The following LDB3 variants were observed in gnomAD, a reference collection of about 807,000 sequenced individuals.
LDB3 encodes the protein LIM domain-binding protein 3.
A neutral mutation model predicts 69.0 loss-of-function variants in LDB3; 49 were observed. That is an observed-to-expected ratio of 0.71 (90% CI 0.56 to 0.90). LDB3 has a LOEUF of 0.90. Among genes scored for constraint, LDB3 ranks in the 40% least tolerant of loss-of-function variants. LDB3 has a pLI of 0.00. For synonymous variants in LDB3, 387 were observed against 396.2 expected (o/e 0.98, Z 0.28); for missense variants, 928 against 974.1 (o/e 0.95, Z 0.63).
intron 12 of LDB3, among the ~76,000 whole-genome samples, chr10:86,724,744 C>T (rs1034791043): frequency 3.9e-5 from 6 of 152,160 alleles, no homozygotes; most frequent in Admixed American, 1.3e-4. Context: ...TCCTTTCCCT[C>T]TTTGCATCAG....
intron 7 of LDB3, among the ~76,000 whole-genome samples, chr10:86,694,928 T>C (rs898303656): frequency 1.3e-5 from 2 of 152,194 alleles, no homozygotes; most frequent in African/African-American, 4.8e-5. Flanking sequence ...TCCTGGCCCA[T>C]CTTGTTGGCT....
intron 2 of LDB3, among the ~76,000 whole-genome samples, chr10:86,674,814 G>A (rs1052162740): frequency 7.9e-5 from 12 of 152,170 alleles, no homozygotes; most frequent in Non-Finnish European, 1.8e-4. Context: ...ATCGTGCCTG[G>A]ACTGCACTCT....
chr10:86,708,911 G>A (rs1357997260), intron 8 of LDB3, among the ~76,000 whole-genome samples: 1 of 152,172 alleles, frequency 6.6e-6, no homozygotes, highest in Non-Finnish European at 1.5e-5. Flanking sequence ...AGCAGGGATC[G>A]GCAGGCCCCA....
At chr10:86,689,311 CT>C (rs1376576475) in intron 5 of LDB3, among the ~76,000 whole-genome samples, 1 of 152,140 alleles carries the variant, frequency 6.6e-6, no homozygotes, top group Non-Finnish European at 1.5e-5. Flanking sequence ...AGTCATCCGT[CT>C]GTCTGGTTGT....
At chr10:86,672,012 T>C (rs895680384) in intron 2 of LDB3, among the ~76,000 whole-genome samples, 7 of 152,188 alleles carry the variant, frequency 4.6e-5, no homozygotes, top group Non-Finnish European at 8.8e-5. Flanking sequence ...CTCAAGAGGC[T>C]GAGGCAGGAG....
intron 5 of LDB3, among the ~76,000 whole-genome samples, chr10:86,684,905 C>T (rs1377801369): frequency 6.6e-6 from 1 of 152,216 alleles, no homozygotes; most frequent in Non-Finnish European, 1.5e-5. Context: ...CTACAGAGAC[C>T]ATGCTCTGGG....
At chr10:86,706,429 GC>G in intron 7 of LDB3, 101 bp from the exon 8 acceptor site, 2 of 1,288,712 alleles carry the variant, frequency 1.6e-6, no homozygotes, top group Non-Finnish European at 2.2e-6. Flanking sequence ...GGAGCTTTCT[GC>G]CCAGCCTGCC....
At chr10:86,691,826 G>A in intron 5 of LDB3, 70 bp from the exon 6 acceptor site, 3 of 1,565,706 alleles carry the variant, frequency 1.9e-6, no homozygotes, top group Non-Finnish European at 2.6e-6. Flanking sequence ...TGGGCATGGA[G>A]CAGGGACCCA....
chr10:86,681,266 T>C (rs896387477), intron 4 of LDB3, among the ~76,000 whole-genome samples, 170 bp from the exon 5 acceptor site: 3 of 152,276 alleles, frequency 2.0e-5, no homozygotes, highest in Non-Finnish European at 4.4e-5. Flanking sequence ...TGTGCCTGCC[T>C]GCTCCTCCAC....
chr10:86,719,025 G>A (rs1011119388), intron 12 of LDB3, among the ~76,000 whole-genome samples, 178 bp downstream of exon 12: 6 of 152,190 alleles, frequency 3.9e-5, no homozygotes, highest in Admixed American at 1.3e-4. Flanking sequence ...CACAAAGGAA[G>A]TTAACTATCT....
intron 7 of LDB3, among the ~76,000 whole-genome samples, chr10:86,702,111 G>T (rs1406922708): frequency 1.3e-5 from 2 of 152,162 alleles, no homozygotes; most frequent in African/African-American, 4.8e-5. Context: ...GTGGCAGCAT[G>T]AATAATTTCA....
chr10:86,706,536 C>T lies in LDB3; in HGVS notation c.902C>T (p.Pro301Leu). Residue 301 changes from proline to leucine, a missense_variant, in exon 8 of 14, where the codon CCT becomes CTT. By Grantham distance (98) the Pro-to-Leu change is moderately conservative. Transcript: ENST00000361373. ...TTTTGGTCCCGCCTCATCAGCACCC[C>T]TATTGAGCATGCGCCGGTGTGCACC... ...DEEALRRSST[P>L]IEHAPVCTSQ... 6.2e-7 allele frequency: 1 copy of T among 1,612,624 alleles called. No individual in the cohort carries two copies. The highest frequency in any genetic ancestry group is 8.5e-7 in the Non-Finnish European group (1 of 1,179,972).
At position 86,732,828 on chromosome 10, in the gene LDB3, T is replaced by G. The variant is rs553601364; in HGVS notation, c.2095-59T>G. On this transcript the variant is annotated intron_variant, in intron 13 of 13. Transcript: ENST00000361373. Reference sequence around the variant, plus strand: ...CAGGGCGTTTTCTTAAAAAAGTGATTGAAATCTGCTCATGCCCTGTGCCAC... The same window carrying G: ...CAGGGCGTTTTCTTAAAAAAGTGATGGAAATCTGCTCATGCCCTGTGCCAC... The G allele has an allele frequency of 1.8e-4, 245 of 1,399,002 alleles. No individual in the cohort carries two copies. In the African/African-American group the frequency reaches 3.2e-3, roughly 18 times the overall value. 86.7% of individuals were successfully genotyped at this position (1,399,002 alleles called of 1,614,324 possible).
chr10:86,697,549 C>CTT (rs71019409), intron 7 of LDB3, among the ~76,000 whole-genome samples: 334 of 83,886 alleles, frequency 4.0e-3, no homozygotes, highest in Non-Finnish European at 5.4e-3. Flanking sequence ...TTCTTTCTTT[C>CTT]TTTTTTTTTT....
chr10:86,735,260 A>AC lies in LDB3; in HGVS notation c.*2285dup, dbSNP rs959719629. 18 of 150,890 alleles carry AC rather than the reference A, an allele frequency of 1.2e-4. No individual in the cohort carries two copies. Among genetic ancestry groups the AC allele is most frequent in the East Asian group, 1.2e-3 (6 of 5,082 alleles). 9.3% of individuals were successfully genotyped at this position (150,890 alleles called of 1,614,324 possible). The stretch of plus-strand genomic sequence containing the variant: ...AAAAGACAAAACTAGCAAAAAAAAA[A>AC]CAAAAAAACAAAAAAAAAACCACTT... On this transcript the variant is annotated 3_prime_UTR_variant, in exon 14 of 14. Coordinates refer to ENST00000361373, the MANE Select transcript of LDB3 (RefSeq NM_007078.3).
chr10:86,681,521 C>G lies in LDB3; in HGVS notation c.407C>G (p.Pro136Arg), dbSNP rs772887402. 1 of 1,612,262 alleles carries G rather than the reference C, an allele frequency of 6.2e-7. No homozygotes were observed. Among genetic ancestry groups the G allele is most frequent in the Non-Finnish European group, 8.5e-7 (1 of 1,179,814 alleles). ...GCCAGCCCAGGCACCCCAGGCACCCCGGAGCTCAGGCCCACCTTTAGCCCT... is the reference window on the plus strand; with the variant it reads ...GCCAGCCCAGGCACCCCAGGCACCCGGGAGCTCAGGCCCACCTTTAGCCCT... Reference protein sequence around the residue: ...ARASPGTPGTPELRPTFSPAF... With the variant: ...ARASPGTPGTRELRPTFSPAF... Residue 136 changes from proline (P) to arginine (R), a missense_variant, in exon 5 of 14, where the codon CCG (proline) becomes CGG (arginine). By Grantham distance (103) the Pro-to-Arg change is moderately radical. Transcript: ENST00000361373.
chr10:86,681,337 C>A, intron 4 of LDB3, 99 bp from the exon 5 acceptor site: 3 of 1,554,392 alleles, frequency 1.9e-6, no homozygotes, highest in Non-Finnish European at 2.6e-6. Context: ...GCGGGGCTCG[C>A]GCTAACACAT....
chr10:86,699,625 G>T lies in LDB3; in HGVS notation c.897-6906G>T, dbSNP rs1283128143. The T allele has an allele frequency of 7.4e-7, 1 of 1,360,246 alleles. No individual in the cohort carries two copies. The highest frequency in any genetic ancestry group is 1.5e-5 in the African/African-American group (1 of 68,062). The allele number at this position is 1,360,246 out of a possible 1,614,324, so 84.3% of individuals were successfully genotyped here. ...CTCGCCACCCCCCAAATAGCCCGTA[G>T]CCCAATCCCCTGCCCTCTGCACAGG... On this transcript the variant is annotated intron_variant, in intron 7 of 13. Transcript: ENST00000361373. This position sits in a 1 kb window ranked among gnomAD's most constrained non-coding sequence, Gnocchi z 4.9.
chr10:86,714,615 G>C (rs1846793886), intron 9 of LDB3, among the ~76,000 whole-genome samples: 1 of 148,472 alleles, frequency 6.7e-6, no homozygotes, highest in Admixed American at 6.7e-5. Context: ...GAGTGCAGTG[G>C]TACGATCTCG....
Sources: allele counts gnomAD v4.1 joint callset (sites outside exome capture counted in the v4.1 genomes callset), GRCh38; gene constraint gnomAD v4.1.1; non-coding constraint Gnocchi (gnomAD v3.1); transcripts MANE v1.5; gene names NCBI Gene and HGNC (gene_info 2026-07-23, HGNC 2026-07-21).